WWOX: variants seen among roughly 807,000 people sequenced by gnomAD.
WWOX encodes the protein WW domain-containing oxidoreductase.
WWOX carries 69 observed loss-of-function variants against 46.2 expected under a neutral mutation model. The observed-to-expected ratio is 1.49, with a 90% CI of 1.23 to 1.82. The LOEUF is 1.82. WWOX is among the 40% of genes most tolerant of loss of function. The pLI is 0.00. For missense variants in WWOX, 919 were observed against 542.6 expected (o/e 1.69, Z -6.89); for synonymous variants, 359 against 202.6 (o/e 1.77, Z -6.56).
At position 78,582,837 on chromosome 16, in the gene WWOX, T is replaced by C. The variant is rs192806037; in HGVS notation, c.1056+150085T>C. Among the ~76,000 whole-genome samples, 340 of 152,300 alleles carry C rather than the reference T, an allele frequency of 2.2e-3. 3 individuals are homozygous for C. The highest frequency in any genetic ancestry group is 3.8e-3 in the Non-Finnish European group (261 of 68,032). On this transcript the variant is annotated intron_variant, in intron 8 of 8. Transcript: ENST00000566780. The stretch of plus-strand genomic sequence containing the variant: ...TGCCCTGAAGACCTGGTATGTCTTA[T>C]GTCAGTTACAAGAGGCCCTTCTAGT...
chr16:78,260,262 T>C lies in WWOX; in HGVS notation c.516+95973T>C, dbSNP rs1009504487. ...GTTACTGGGAAGAGGGGCCTGATTG[T>C]TAAAAGAGAAACAAACAGAAAACAA... On this transcript the variant is annotated intron_variant, in intron 5 of 8. Coordinates refer to ENST00000566780, the MANE Select transcript of WWOX (RefSeq NM_016373.4). 2.6e-5 allele frequency among the ~76,000 whole-genome samples: 4 copies of C among 151,392 alleles called. 1 individual carries two copies. The highest frequency in any genetic ancestry group is 5.9e-5 in the Non-Finnish European group (4 of 67,834).
chr16:78,357,309 A>G (rs1567521580), intron 5 of WWOX, among the ~76,000 whole-genome samples: 1 of 152,188 alleles, frequency 6.6e-6, no homozygotes. Flanking sequence ...TGGGAATAGC[A>G]TAGGTACTTA....
intron 8 of WWOX, among the ~76,000 whole-genome samples, chr16:78,489,472 GCT>G (rs2084724408): frequency 6.6e-6 from 1 of 152,078 alleles, no homozygotes; most frequent in African/African-American, 2.4e-5. Flanking sequence ...ACATTCGTGA[GCT>G]CTTTTTTTTT....
chr16:78,148,220 C>G (rs140615310), intron 4 of WWOX, among the ~76,000 whole-genome samples: 195 of 152,266 alleles, frequency 1.3e-3, no homozygotes, highest in African/African-American at 4.5e-3. Flanking sequence ...TTCTAAACAA[C>G]CAGAAACACT....
At chr16:78,456,734 CAT>C (rs756311822) in intron 8 of WWOX, among the ~76,000 whole-genome samples, 14 of 152,330 alleles carry the variant, frequency 9.2e-5, no homozygotes, top group South Asian at 6.2e-4. Context: ...AGAATATCCA[CAT>C]GTCTCAGTTT....
intron 8 of WWOX, among the ~76,000 whole-genome samples, chr16:78,877,340 C>G (rs2044254846): frequency 1.3e-5 from 2 of 150,624 alleles, no homozygotes; most frequent in South Asian, 4.3e-4. Flanking sequence ...GCCTCTTGTT[C>G]TTCTTCAGCT....
chr16:78,317,281 G>C (rs564358347), intron 5 of WWOX, among the ~76,000 whole-genome samples: 17 of 152,142 alleles, frequency 1.1e-4, no homozygotes, highest in South Asian at 2.1e-4. Flanking sequence ...CTCTCTCTCT[G>C]TCTGTCTCTC....
intron 8 of WWOX, among the ~76,000 whole-genome samples, chr16:79,105,391 C>T (rs1461435629): frequency 2.6e-5 from 4 of 152,150 alleles, no homozygotes; most frequent in African/African-American, 9.7e-5. Flanking sequence ...TATTCGTACC[C>T]ATGTACGTAT....
chr16:79,200,133 C>T (rs2051317952), intron 8 of WWOX, among the ~76,000 whole-genome samples: 1 of 152,138 alleles, frequency 6.6e-6, no homozygotes, highest in Non-Finnish European at 1.5e-5. Context: ...AGGGGAGGCA[C>T]CATAGACCCC....
intron 4 of WWOX, among the ~76,000 whole-genome samples, chr16:78,145,687 G>A (rs2151713634): frequency 6.6e-6 from 1 of 152,214 alleles, no homozygotes; most frequent in East Asian, 1.9e-4. Context: ...CAATCACATT[G>A]ACACTCAATA....
intron 8 of WWOX, among the ~76,000 whole-genome samples, chr16:78,543,055 T>C (rs1272475522): frequency 2.0e-5 from 3 of 152,208 alleles, no homozygotes; most frequent in African/African-American, 7.2e-5. Context: ...ATAGTACACA[T>C]ATTTGAGCAG....
Position 79,211,992 on chromosome 16 carries a change from T to C in WWOX, c.*196T>C, listed in dbSNP as rs2051777115. The C allele has an allele frequency of 2.0e-6, 3 of 1,535,000 alleles. No homozygotes were observed. Among genetic ancestry groups the C allele is most frequent in the Non-Finnish European group, 2.6e-6 (3 of 1,146,698 alleles). ...AATTCCTGGGGTAAAGTATCACTTT[T>C]CTGGGGCTGGGCTAGGCATAGGTCT... On this transcript the variant is annotated 3_prime_UTR_variant, in exon 9 of 9. Coordinates refer to ENST00000566780, the MANE Select transcript of WWOX (RefSeq NM_016373.4).
chr16:78,451,988 G>A (rs1381451134), intron 8 of WWOX, among the ~76,000 whole-genome samples: 2 of 152,144 alleles, frequency 1.3e-5, no homozygotes, highest in Non-Finnish European at 2.9e-5. Flanking sequence ...GCAATGGTTA[G>A]CATATCAACT....
chr16:78,377,067 T>C (rs1443587569), intron 5 of WWOX, among the ~76,000 whole-genome samples: 2 of 152,266 alleles, frequency 1.3e-5, no homozygotes, highest in African/African-American at 4.8e-5. Context: ...GATTTTTCTT[T>C]TATCACTGAC....
chr16:78,258,813 C>T (rs1174473490), intron 5 of WWOX, among the ~76,000 whole-genome samples: 2 of 147,528 alleles, frequency 1.4e-5, no homozygotes, highest in Non-Finnish European at 3.0e-5. Flanking sequence ...TTAAAGTTTA[C>T]AGGGTAAAAG....
rs2051778220 is a variant in WWOX, at chr16:79,212,020, T to C, written c.*224T>C. The C allele has an allele frequency of 2.0e-6, 3 of 1,536,268 alleles. No individual in the cohort carries two copies. The highest frequency in any genetic ancestry group is 2.6e-6 in the Non-Finnish European group (3 of 1,146,900). On this transcript the variant is annotated 3_prime_UTR_variant, in exon 9 of 9. Coordinates refer to ENST00000566780, the MANE Select transcript of WWOX (RefSeq NM_016373.4). ...GGGGCTGGGCTAGGCATAGGTCTCT[T>C]TGCTTTCTGGTGGTGGCCTGTTTGA... is the stretch of plus-strand genomic sequence containing the variant.
intron 5 of WWOX, among the ~76,000 whole-genome samples, chr16:78,199,716 A>T (rs780651520): frequency 1.3e-5 from 2 of 152,152 alleles, no homozygotes; most frequent in African/African-American, 4.8e-5. Flanking sequence ...CATATACATG[A>T]CATCCTACCC....
At chr16:78,670,375 T>A (rs183930285) in intron 8 of WWOX, among the ~76,000 whole-genome samples, 4 of 152,186 alleles carry the variant, frequency 2.6e-5, no homozygotes, top group African/African-American at 9.6e-5. Flanking sequence ...CCCGGAAATA[T>A]GCAGGAAAAG....
At chr16:78,882,134 A>T (rs1474864613) in intron 8 of WWOX, among the ~76,000 whole-genome samples, 1 of 152,226 alleles carries the variant, frequency 6.6e-6, no homozygotes, top group Non-Finnish European at 1.5e-5. Context: ...TACAAAACAA[A>T]AACAAAGAAC....
Sources: allele counts gnomAD v4.1 joint callset (sites outside exome capture counted in the v4.1 genomes callset), GRCh38; gene constraint gnomAD v4.1.1; transcripts MANE v1.5; gene names NCBI Gene and HGNC (gene_info 2026-07-23, HGNC 2026-07-21).